Variants in SCMH1 observed in about 807,000 individuals in gnomAD.
SCMH1 encodes the protein polycomb protein SCMH1.
In SCMH1, 37 loss-of-function variants were observed where a neutral mutation model predicts 70.8. The observed-to-expected ratio is 0.52, with a 90% confidence interval of 0.40 to 0.69. The LOEUF is 0.69. Ranked by LOEUF, SCMH1 falls within the 30% of genes least tolerant of loss-of-function variation. SCMH1 has a pLI of 0.00. For synonymous variants in SCMH1, 292 were observed against 307.4 expected, an observed-to-expected ratio of 0.95 and a Z score of 0.52; for missense variants, 607 against 827.3, an observed-to-expected ratio of 0.73 and a Z score of 3.27.
chr1:41,195,412 C>CCAGA (rs1652800869), intron 1 of SCMH1, among the ~76,000 whole-genome samples: 1 of 151,012 alleles, frequency 6.6e-6, no homozygotes, highest in South Asian at 2.1e-4. Flanking sequence ...GATGGTTCAA[C>CCAGA]ATATGAAAAT....
At chr1:41,068,500 G>A (rs909722329) in intron 10 of SCMH1, among the ~76,000 whole-genome samples, 4 of 152,042 alleles carry the variant, frequency 2.6e-5, no homozygotes, top group Admixed American at 6.6e-5. Flanking sequence ...CCACCTCCTC[G>A]GCTCAAGCAG....
At chr1:41,119,233 G>A (rs889990835) in intron 6 of SCMH1, among the ~76,000 whole-genome samples, 2 of 151,990 alleles carry the variant, frequency 1.3e-5, no homozygotes, top group African/African-American at 2.4e-5. Flanking sequence ...AGGTGACAAG[G>A]AAATGCAAAT....
intron 1 of SCMH1, among the ~76,000 whole-genome samples, chr1:41,236,168 T>C (rs1466425262): frequency 6.6e-6 from 1 of 152,212 alleles, no homozygotes; most frequent in African/African-American, 2.4e-5. Context: ...TAAGAATATA[T>C]TATATCAGAA....
At chr1:41,187,286 A>C (rs2148645549) in intron 1 of SCMH1, among the ~76,000 whole-genome samples, 1 of 151,772 alleles carries the variant, frequency 6.6e-6, no homozygotes, top group South Asian at 2.1e-4. Flanking sequence ...ACATGGCGAA[A>C]CCCCATCTCT....
At chr1:41,210,407 C>A (rs1406136446) in intron 1 of SCMH1, among the ~76,000 whole-genome samples, 1 of 152,114 alleles carries the variant, frequency 6.6e-6, no homozygotes, top group Non-Finnish European at 1.5e-5. Flanking sequence ...ACAAGACAAT[C>A]CTAAGCAAAA....
At chr1:41,050,092 C>T (rs905612333) in intron 10 of SCMH1, among the ~76,000 whole-genome samples, 35 of 152,054 alleles carry the variant, frequency 2.3e-4, no homozygotes, top group Non-Finnish European at 3.2e-4. Flanking sequence ...GGTCCCAAGA[C>T]GGCTAAGCAC....
intron 8 of SCMH1, among the ~76,000 whole-genome samples, chr1:41,111,348 G>GT (rs76564144): frequency 2.0e-5 from 3 of 152,114 alleles, no homozygotes; most frequent in African/African-American, 7.2e-5. Flanking sequence ...TGCACTGCTT[G>GT]TTTTTGTTTG....
At chr1:41,172,666 C>T (rs1646866247) in intron 2 of SCMH1, among the ~76,000 whole-genome samples, 1 of 152,108 alleles carries the variant, frequency 6.6e-6, no homozygotes, top group Admixed American at 6.5e-5. Context: ...GGAGGCATCA[C>T]ATTACTGGAT....
At chr1:41,199,732 G>A (rs1436087922) in intron 1 of SCMH1, among the ~76,000 whole-genome samples, 19 of 151,898 alleles carry the variant, frequency 1.3e-4, no homozygotes, top group Admixed American at 1.2e-3. Context: ...CCACAATAGG[G>A]GGTGGGGGTG....
chr1:41,220,138 G>A (rs1483501584), intron 1 of SCMH1, among the ~76,000 whole-genome samples: 1 of 152,132 alleles, frequency 6.6e-6, no homozygotes, highest in African/African-American at 2.4e-5. Context: ...AAGAGGTAAG[G>A]TACTTGCCAG....
At chr1:41,106,134 C>CA (rs1667850918) in intron 8 of SCMH1, among the ~76,000 whole-genome samples, 1 of 151,868 alleles carries the variant, frequency 6.6e-6, no homozygotes, top group African/African-American at 2.4e-5. Flanking sequence ...CTCGGCCTCC[C>CA]AAAGTGCTGG....
At position 41,160,511 on chromosome 1, in the gene SCMH1, T is replaced by G. The variant is rs531835528; in HGVS notation, c.106+364A>C. ...CAATTTATCTTACAAGTAATTTTTT[T>G]GGGGGAAAAATCCCACCAAACACTG... On this transcript the variant is annotated intron_variant, in intron 4 of 14. Coordinates refer to ENST00000337495, the Ensembl canonical transcript of SCMH1. 5.3e-5 allele frequency among the ~76,000 whole-genome samples: 8 copies of G among 152,362 alleles called. No individual in the cohort carries two copies. The South Asian group carries it at 1.0e-3, about 20-fold the overall frequency.
At chr1:41,214,005 G>A (rs1410319624) in intron 1 of SCMH1, among the ~76,000 whole-genome samples, 2 of 152,048 alleles carry the variant, frequency 1.3e-5, no homozygotes, top group Non-Finnish European at 2.9e-5. Context: ...AACCCAACAT[G>A]TATTGTTAGC....
At chr1:41,033,994 T>G in intron 13 of SCMH1, 1 of 1,613,598 alleles carries the variant, frequency 6.2e-7, no homozygotes, top group Non-Finnish European at 8.5e-7. Flanking sequence ...TGGGGAACGA[T>G]TTAGTTTCCA....
chr1:41,213,304 T>G (rs932282313), intron 1 of SCMH1, among the ~76,000 whole-genome samples: 1 of 152,222 alleles, frequency 6.6e-6, no homozygotes, highest in Non-Finnish European at 1.5e-5. Flanking sequence ...AAAATTTAGC[T>G]TGTGGCTATA....
exon 10 of SCMH1, chr1:41,070,720 C>T: frequency 6.2e-7 from 1 of 1,613,930 alleles, no homozygotes; most frequent in South Asian, 1.1e-5. Context: ...CCGAGGTTTC[C>T]TCTGTCAAAA....
At chr1:41,242,228 G>GCGGGGCGGGGGCTCCCC (rs1663753870), upstream of SCMH1, 1 of 144,766 alleles carries the variant, frequency 6.9e-6, no homozygotes, top group Admixed American at 6.8e-5. This position sits in a 1 kb window ranked among gnomAD's most constrained non-coding sequence, Gnocchi z 5.2. Flanking sequence ...GAGGCGGGGG[G>GCGGGGCGGGGGCTCCCC]CGGGGCGGGG....
At chr1:41,150,838 G>A (rs1467523442) in intron 5 of SCMH1, among the ~76,000 whole-genome samples, 1 of 149,162 alleles carries the variant, frequency 6.7e-6, no homozygotes, top group African/African-American at 2.5e-5. Context: ...TCGGGAGGCT[G>A]AGGCAGGAGA....
intron 6 of SCMH1, 80 bp downstream of exon 6, chr1:41,142,798 C>A: frequency 8.1e-7 from 1 of 1,239,112 alleles, no homozygotes. Flanking sequence ...GTACCCTAGG[C>A]TTTCCCATAA....
Sources: allele counts gnomAD v4.1 joint callset (sites outside exome capture counted in the v4.1 genomes callset), GRCh38; gene constraint gnomAD v4.1.1; non-coding constraint Gnocchi (gnomAD v3.1); transcripts MANE v1.5; gene names NCBI Gene and HGNC (gene_info 2026-07-23, HGNC 2026-07-21).